Variants in SEC14L2 observed in about 807,000 individuals in gnomAD.
SEC14L2 encodes SEC14-like protein 2.
A neutral mutation model predicts 56.9 loss-of-function variants in SEC14L2; 50 were observed. The ratio of observed to expected loss-of-function variants is 0.88; its 90% CI spans 0.70 to 1.11. SEC14L2 has a LOEUF of 1.11. Among genes scored for constraint, SEC14L2 ranks in the 50% most tolerant of loss-of-function variants. The pLI is 0.00. For missense variants in SEC14L2, 414 were observed against 500.7 expected (o/e 0.83, Z 1.65); for synonymous variants, 179 against 188.5 (o/e 0.95, Z 0.41).
Position 30,410,609 on chromosome 22 carries a change from T to G in SEC14L2, c.594T>G (p.Phe198Leu), listed in dbSNP as rs1342358393. ...TCTCTGTTCCAGCCCCCAAACTGTTTCCTGTGGCCTATAACCTCATCAAAC... is the reference window on the plus strand; with the variant it reads ...TCTCTGTTCCAGCCCCCAAACTGTTGCCTGTGGCCTATAACCTCATCAAAC... ...RLFVVKAPKL[F>L]PVAYNLIKPF... The change falls in exon 8 of 12, where the codon TTT becomes TTG. Residue 198 changes from phenylalanine to leucine, a missense_variant. Transcript: ENST00000615189. 6.2e-7 allele frequency: 1 copy of G among 1,614,158 alleles called. No individual in the cohort carries two copies. Among genetic ancestry groups the G allele is most frequent in the Non-Finnish European group, 8.5e-7 (1 of 1,179,998 alleles).
intron 11 of SEC14L2, among the ~76,000 whole-genome samples, chr22:30,418,033 AC>A (rs922661539): frequency 6.6e-6 from 1 of 152,110 alleles, no homozygotes; most frequent in African/African-American, 2.4e-5. Context: ...AGACAATGTC[AC>A]CCACAGAGGA....
At chr22:30,410,117 G>C (rs1347043185) in intron 7 of SEC14L2, among the ~76,000 whole-genome samples, 1 of 151,678 alleles carries the variant, frequency 6.6e-6, no homozygotes, top group Admixed American at 6.6e-5. Flanking sequence ...AAAATCACTT[G>C]AACCCGGGAG....
chr22:30,398,612 C>T (rs146125963), intron 1 of SEC14L2: 1 of 447,248 alleles, frequency 2.2e-6, no homozygotes, highest in Non-Finnish European at 4.7e-6. Flanking sequence ...GCTTCCCCTA[C>T]TGGAACTGTT....
intron 11 of SEC14L2, among the ~76,000 whole-genome samples, chr22:30,419,802 T>C (rs920065534): frequency 6.6e-6 from 1 of 152,192 alleles, no homozygotes; most frequent in Non-Finnish European, 1.5e-5. Context: ...AGAAAAGAGA[T>C]ATAAAAGGGA....
rs142445828 is a variant in SEC14L2 at position 30,420,344 on chromosome 22, A to C, written c.1082-1933A>C. Among the ~76,000 whole-genome samples, 424 of 152,310 alleles carry C rather than the reference A, an allele frequency of 2.8e-3. 8 individuals carry two copies. The East Asian group carries it at 0.041, about 15-fold the overall frequency. Reference sequence around the variant, plus strand: ...CTGGAGGGTGTCTGGGGGCTCTGTGAGTCTATGATTAGTGTCAAAATGAAC... The same window carrying C: ...CTGGAGGGTGTCTGGGGGCTCTGTGCGTCTATGATTAGTGTCAAAATGAAC... On this transcript the variant is annotated intron_variant, in intron 11 of 11. Coordinates refer to ENST00000615189, the MANE Select transcript of SEC14L2 (RefSeq NM_012429.5).
intron 8 of SEC14L2, among the ~76,000 whole-genome samples, chr22:30,411,726 A>G (rs1265438161): frequency 1.1e-5 from 1 of 89,430 alleles, no homozygotes; most frequent in Admixed American, 1.7e-4. Flanking sequence ...CAGCCTGGGC[A>G]ACAGAGACTC....
intron 11 of SEC14L2, chr22:30,416,868 T>G: frequency 9.6e-7 from 1 of 1,041,370 alleles, no homozygotes; most frequent in South Asian, 3.9e-5. Flanking sequence ...ACACAGACTA[T>G]GAGCAGGCAG....
intron 8 of SEC14L2, 150 bp from the exon 9 acceptor site, chr22:30,415,609 G>A (rs1409349022): frequency 4.5e-6 from 3 of 672,350 alleles, no homozygotes; most frequent in Non-Finnish European, 7.9e-6. Flanking sequence ...TGCATGCACT[G>A]TGTGCTCCTA....
In SEC14L2 at chr22:30,409,210, C is replaced by A. The variant is rs1934181157; in HGVS notation, c.447C>A (p.Ile149=). 2 of 1,613,936 alleles carry A rather than the reference C, an allele frequency of 1.2e-6. No homozygotes were observed. The highest frequency in any genetic ancestry group is 1.1e-5 in the South Asian group (1 of 91,072). Residue 149 remains isoleucine (I), a synonymous_variant, in exon 6 of 12, where the codon ATC becomes ATA. Coordinates refer to ENST00000615189, the MANE Select transcript of SEC14L2 (RefSeq NM_012429.5). The part of the protein sequence containing the change: ...TTKLGRKVET[I]TIIYDCEGLG... ...AGTTGGGGAGGAAGGTGGAGACCAT[C>A]ACCATAATTTATGACTGCGAGGGGC...
chr22:30,411,876 C>T (rs997263432), intron 8 of SEC14L2, among the ~76,000 whole-genome samples: 1 of 151,892 alleles, frequency 6.6e-6, no homozygotes, highest in Non-Finnish European at 1.5e-5. Flanking sequence ...GAGCACTCAG[C>T]GGGAGCACCC....
At chr22:30,410,538 C>A in intron 7 of SEC14L2, 58 bp from the exon 8 acceptor site, 2 of 1,504,548 alleles carry the variant, frequency 1.3e-6, no homozygotes, top group Non-Finnish European at 1.9e-6. Context: ...GCAGAGGACG[C>A]TGTTAGGGAC....
rs1601793287 is a variant in SEC14L2 at position 30,424,148 on chromosome 22, T to C, written c.*1741T>C. On this transcript the variant is annotated 3_prime_UTR_variant, in exon 12 of 12. Coordinates refer to ENST00000615189, the MANE Select transcript of SEC14L2 (RefSeq NM_012429.5). ...CGCCAGCTGCTCAGTACGTGCCGCGTAGCCCGTGCGAGCCAAGTGTGAGTC... is the reference window on the plus strand; with the variant it reads ...CGCCAGCTGCTCAGTACGTGCCGCGCAGCCCGTGCGAGCCAAGTGTGAGTC... The C allele has an allele frequency of 6.4e-6, 1 of 155,730 alleles. No individual in the cohort carries two copies. The highest frequency in any genetic ancestry group is 2.4e-5 in the African/African-American group (1 of 41,466). The allele number at this position is 155,730 out of a possible 1,614,324, so 9.6% of individuals were successfully genotyped here.
At position 30,423,671 on chromosome 22, in the gene SEC14L2, G is replaced by A. The variant is rs1464093534; in HGVS notation, c.*1264G>A. The A allele has an allele frequency of 6.6e-6, 1 of 152,442 alleles. No individual in the cohort carries two copies. The highest frequency in any genetic ancestry group is 1.5e-5 in the Non-Finnish European group (1 of 68,188). 9.4% of individuals were successfully genotyped at this position (152,442 alleles called of 1,614,324 possible). A position where few individuals can be genotyped will look rare whatever the true frequency, so the allele number is the denominator to read the frequency against. On this transcript the variant is annotated 3_prime_UTR_variant, in exon 12 of 12. Coordinates refer to ENST00000615189, the MANE Select transcript of SEC14L2 (RefSeq NM_012429.5). ...CAGAGCCAGGCCCCGGCCCCGTCTG[G>A]GAAGCTCATCTTGCGAAGCTGAGGG...
In SEC14L2 at chr22:30,407,556, C is replaced by T. The variant is rs538904148; in HGVS notation, c.376C>T (p.Arg126Trp). 15 of 1,614,030 alleles carry T rather than the reference C, an allele frequency of 9.3e-6. No homozygotes were observed. In the South Asian group the frequency reaches 1.2e-4, roughly 13 times the overall value. The change falls in exon 5 of 12, where the codon CGG (arginine) becomes TGG (tryptophan). Residue 126 changes from arginine (R) to tryptophan (W), a missense_variant. Coordinates refer to ENST00000615189, the MANE Select transcript of SEC14L2 (RefSeq NM_012429.5). The part of the protein sequence containing the change: ...SKQDLLRTKM[R>W]ECELLLQECA... ...ACAGGACCTGCTGAGGACCAAGATG[C>T]GGGAGTGTGAGCTGCTTCTGCAAGA...
At chr22:30,400,423 A>G (rs1256223667) in intron 2 of SEC14L2, 2 of 152,176 alleles carry the variant, frequency 1.3e-5, no homozygotes, top group Non-Finnish European at 2.9e-5. Context: ...AAATGCACAC[A>G]TTTCTACTGG....
intron 7 of SEC14L2, among the ~76,000 whole-genome samples, chr22:30,410,184 G>T (rs1217709756): frequency 6.6e-6 from 1 of 151,774 alleles, no homozygotes. Flanking sequence ...CACTGCTTGA[G>T]CCCAGGAGTA....
chr22:30,399,348 C>G (rs1431623276), intron 1 of SEC14L2, among the ~76,000 whole-genome samples: 1 of 151,842 alleles, frequency 6.6e-6, no homozygotes, highest in African/African-American at 2.4e-5. Context: ...AACCCTGTCT[C>G]TACTAAAAAT....
At chr22:30,422,220 C>T (rs544447439) in intron 11 of SEC14L2, 57 bp from the exon 12 acceptor site, 1 of 1,605,382 alleles carries the variant, frequency 6.2e-7, no homozygotes, top group South Asian at 1.1e-5. Flanking sequence ...AAATCACTGT[C>T]CCCAAGCCCT....
Position 30,407,467 on chromosome 22 carries a change from G to T in SEC14L2, c.287G>T (p.Cys96Phe). 1 of 1,614,132 alleles carries T rather than the reference G, an allele frequency of 6.2e-7. No individual in the cohort carries two copies. The highest frequency in any genetic ancestry group is 8.5e-7 in the Non-Finnish European group (1 of 1,180,010). The change falls in exon 5 of 12, where the codon TGC becomes TTC. Residue 96 changes from cysteine to phenylalanine, a missense_variant. Cys to Phe is a radical substitution (Grantham distance 205). Coordinates refer to ENST00000615189, the MANE Select transcript of SEC14L2 (RefSeq NM_012429.5). ...ATGTGTGGCTATGACCTGGATGGCT[G>T]CCCAGTCTGGTACGACATAATTGGA... ...GGMCGYDLDG[C>F]PVWYDIIGPL...
Sources: allele counts gnomAD v4.1 joint callset (sites outside exome capture counted in the v4.1 genomes callset), GRCh38; gene constraint gnomAD v4.1.1; transcripts MANE v1.5; gene names NCBI Gene and HGNC (gene_info 2026-07-23, HGNC 2026-07-21).